Variants in WDFY3 observed in about 807,000 individuals in gnomAD.
WDFY3 encodes WD repeat and FYVE domain containing 3, also known as WD repeat and FYVE domain-containing protein 3.
A neutral mutation model predicts 409.6 loss-of-function variants in WDFY3; 66 were observed. The ratio of observed to expected loss-of-function variants is 0.16; its 90% CI spans 0.13 to 0.20. WDFY3 has a LOEUF of 0.20. Ranked by LOEUF, WDFY3 falls within the 10% of genes least tolerant of loss-of-function variation. The pLI is 1.00. For synonymous variants in WDFY3, 1,521 were observed against 1,537.1 expected (o/e 0.99, Z 0.25); for missense variants, 3,031 against 4,298.1 (o/e 0.71, Z 8.24).
chr4:84,878,686 G>A (rs939553130), intron 3 of WDFY3, among the ~76,000 whole-genome samples: 2 of 152,134 alleles, frequency 1.3e-5, no homozygotes, highest in African/African-American at 4.8e-5. Context: ...ACTGCTTTAA[G>A]AGCATTTTGT....
chr4:84,939,035 G>T (rs1771782453), intron 1 of WDFY3, among the ~76,000 whole-genome samples: 1 of 152,000 alleles, frequency 6.6e-6, no homozygotes, highest in Non-Finnish European at 1.5e-5. Context: ...ATCCTGCATG[G>T]TATATTTTCC....
At chr4:84,874,914 G>C (rs1762565593) in intron 3 of WDFY3, among the ~76,000 whole-genome samples, 1 of 152,096 alleles carries the variant, frequency 6.6e-6, no homozygotes, top group Non-Finnish European at 1.5e-5. Flanking sequence ...ATAGCCTATT[G>C]CTCCTAGGTA....
At position 84,773,742 on chromosome 4, in the gene WDFY3, C is replaced by T. The variant is rs540082226; in HGVS notation, c.4755-813G>A. 5.3e-5 allele frequency among the ~76,000 whole-genome samples: 8 copies of T among 152,208 alleles called. No homozygotes were observed. The South Asian group carries it at 6.2e-4, about 12-fold the overall frequency. On this transcript the variant is annotated intron_variant, in intron 29 of 67. Coordinates refer to ENST00000295888, the MANE Select transcript of WDFY3 (RefSeq NM_014991.6). ...AGATTTTTTGTTTGTTTGTTTGAGA[C>T]GGAGTTTCACCCTTGTCACCCAGGC...
At position 84,739,027 on chromosome 4, in the gene WDFY3, C is replaced by T. The variant is rs1463307477; in HGVS notation, c.6557G>A (p.Ser2186Asn). The T allele has an allele frequency of 6.2e-7, 1 of 1,613,922 alleles. No homozygotes were observed. The highest frequency in any genetic ancestry group is 1.3e-5 in the African/African-American group (1 of 74,914). ...GCAATTACCTTCACTAATATCTTGGCTGTAACTACCATCTGGTTCAATGTC... is the reference window on the plus strand; with the variant it reads ...GCAATTACCTTCACTAATATCTTGGTTGTAACTACCATCTGGTTCAATGTC... ...PSDIEPDGSYSQDISEGRQLL... is the reference protein window; with the variant it reads ...PSDIEPDGSYNQDISEGRQLL... The change falls in exon 40 of 68, where the codon AGC becomes AAC. Residue 2186 changes from serine (S) to asparagine (N), a missense_variant. By Grantham distance (46) the Ser-to-Asn change is conservative. Around this residue, in one of 16 missense-constraint regions of WDFY3, gnomAD observed 314 missense variants for 397.4 expected, o/e 0.79. Transcript: ENST00000295888.
rs1471327842 is a variant in WDFY3, at chr4:84,868,931, T to TA, written c.-31-8310dup. Among the ~76,000 whole-genome samples the TA allele has an allele frequency of 7.9e-5, 12 of 152,368 alleles. No homozygotes were observed. The East Asian group carries it at 2.1e-3, about 27-fold the overall frequency. ...AGATCCCCAGCATTCTCCGAGTTTTTATACATATGTTAAAATTTTGTATAA... is the reference window on the plus strand; with the variant it reads ...AGATCCCCAGCATTCTCCGAGTTTTTAATACATATGTTAAAATTTTGTATAA... On this transcript the variant is annotated intron_variant, in intron 3 of 67. Coordinates refer to ENST00000295888, the MANE Select transcript of WDFY3 (RefSeq NM_014991.6).
chr4:84,928,451 A>G (rs1265826895), intron 2 of WDFY3, among the ~76,000 whole-genome samples: 1 of 152,132 alleles, frequency 6.6e-6, no homozygotes, highest in Admixed American at 6.5e-5. Flanking sequence ...TTTCTCATAT[A>G]TATCACTATC....
chr4:84,795,649 C>A (rs1471771467), intron 19 of WDFY3, among the ~76,000 whole-genome samples: 1 of 152,068 alleles, frequency 6.6e-6, no homozygotes, highest in Non-Finnish European at 1.5e-5. Context: ...ATAATCCCAG[C>A]TACTTGGGAG....
At chr4:84,893,025 T>C (rs903407085) in intron 3 of WDFY3, among the ~76,000 whole-genome samples, 5 of 152,194 alleles carry the variant, frequency 3.3e-5, no homozygotes, top group African/African-American at 9.6e-5. Context: ...GAGATTGTGC[T>C]TCACATGGCT....
At chr4:84,703,401 T>C (rs1037704382) in intron 55 of WDFY3, among the ~76,000 whole-genome samples, 2 of 152,214 alleles carry the variant, frequency 1.3e-5, no homozygotes, top group Non-Finnish European at 2.9e-5. Flanking sequence ...TGCTGTGTTT[T>C]AAGTTAACAT....
At chr4:84,788,516 G>C (rs1747922820) in intron 22 of WDFY3, among the ~76,000 whole-genome samples, 1 of 152,124 alleles carries the variant, frequency 6.6e-6, no homozygotes, top group Non-Finnish European at 1.5e-5. Flanking sequence ...ACGTACTAGA[G>C]AATCTACAAA....
chr4:84,726,741 A>G, intron 45 of WDFY3, 120 bp downstream of exon 45: 1 of 842,618 alleles, frequency 1.2e-6, no homozygotes, highest in Non-Finnish European at 1.8e-6. Flanking sequence ...TATAGGAAGA[A>G]CAAATTGAAA....
At chr4:84,675,142 G>A (rs532112225) in intron 67 of WDFY3, among the ~76,000 whole-genome samples, 106 of 152,066 alleles carry the variant, frequency 7.0e-4, no homozygotes, top group Admixed American at 2.0e-3. Flanking sequence ...TTTTAGTACA[G>A]ACAGGGTTTT....
At chr4:84,898,258 G>C (rs1345761555) in intron 2 of WDFY3, among the ~76,000 whole-genome samples, 1 of 152,110 alleles carries the variant, frequency 6.6e-6, no homozygotes, top group African/African-American at 2.4e-5. Flanking sequence ...TGCTGGCTTG[G>C]GGGTAAATGA....
intron 3 of WDFY3, among the ~76,000 whole-genome samples, chr4:84,862,439 G>A (rs1273804498): frequency 6.6e-6 from 1 of 152,046 alleles, no homozygotes; most frequent in African/African-American, 2.4e-5. Flanking sequence ...TCTTATTCTT[G>A]AAAAATATGT....
chr4:84,944,624 G>A (rs1356284163), intron 1 of WDFY3, among the ~76,000 whole-genome samples: 2 of 150,548 alleles, frequency 1.3e-5, no homozygotes, highest in East Asian at 4.0e-4. Flanking sequence ...AAGAGTTCAA[G>A]GCCAGCCTGG....
chr4:84,950,952 T>G (rs1344140728), intron 1 of WDFY3, among the ~76,000 whole-genome samples: 2 of 152,216 alleles, frequency 1.3e-5, no homozygotes, highest in African/African-American at 4.8e-5. Context: ...GGCCTTACCC[T>G]AAGGAGACAA....
rs139981062 is a variant in WDFY3 at position 84,838,491 on chromosome 4, G to A, written c.415-1401C>T. ...AGAGCTAGATTTCAGAAAATTAGCT[G>A]GTGGTAATACAGATCATAAATTAAA... On this transcript the variant is annotated intron_variant, in intron 6 of 67. Transcript: ENST00000295888. Among the ~76,000 whole-genome samples the A allele has an allele frequency of 1.6e-4, 25 of 152,254 alleles. No homozygotes were observed. The East Asian group carries it at 4.6e-3, about 28-fold the overall frequency.
intron 36 of WDFY3, chr4:84,751,227 A>G: frequency 1.9e-6 from 1 of 516,350 alleles, no homozygotes; most frequent in Non-Finnish European, 3.5e-6. Flanking sequence ...TTGGCTTTTT[A>G]CAGAAGAAGT....
Position 84,814,112 on chromosome 4 carries a change from T to C in WDFY3, c.1887+3280A>G, listed in dbSNP as rs886208589. Among the ~76,000 whole-genome samples, 3 of 152,308 alleles carry C rather than the reference T, an allele frequency of 2.0e-5. No individual in the cohort carries two copies. In the South Asian group the frequency reaches 6.2e-4, roughly 32 times the overall value. On this transcript the variant is annotated intron_variant, in intron 13 of 67. Transcript: ENST00000295888. ...ATGGGGTATGTAGGAAACTAGTATATGCCACCCCAAAATACGCCACTATGG... is the reference window on the plus strand; with the variant it reads ...ATGGGGTATGTAGGAAACTAGTATACGCCACCCCAAAATACGCCACTATGG...
Sources: gnomAD v4.1 joint callset for allele counts (sites outside exome capture counted in the v4.1 genomes callset) on GRCh38, gnomAD v4.1.1 for gene constraint, gnomAD v4.1.1 regional missense constraint, MANE v1.5 for transcripts, NCBI Gene and HGNC (gene_info 2026-07-23, HGNC 2026-07-21) for gene names.